Variants in PTK2B observed in about 807,000 individuals in gnomAD.
PTK2B encodes the protein protein tyrosine kinase 2 beta, also known as protein-tyrosine kinase 2-beta.
In PTK2B, 71 loss-of-function variants were observed where a neutral mutation model predicts 142.9. The observed-to-expected ratio is 0.50, with a 90% CI of 0.41 to 0.61. PTK2B has a LOEUF of 0.61. Among genes scored for constraint, PTK2B ranks in the 20% least tolerant of loss-of-function variants. PTK2B has a pLI of 0.00. For missense variants in PTK2B, 1,105 were observed against 1,320.4 expected (o/e 0.84, Z 2.53); for synonymous variants, 519 against 503.4 (o/e 1.03, Z -0.42).
intron 21 of PTK2B, among the ~76,000 whole-genome samples, chr8:27,442,027 AG>A (rs1441526194): frequency 1.3e-5 from 2 of 152,198 alleles, no homozygotes; most frequent in African/African-American, 4.8e-5. Flanking sequence ...TTGCTTCCTC[AG>A]ACCACCACCT....
At chr8:27,392,796 C>A (rs952959257) in intron 1 of PTK2B, among the ~76,000 whole-genome samples, 3 of 152,128 alleles carry the variant, frequency 2.0e-5, no homozygotes, top group African/African-American at 7.2e-5. Context: ...GTTTTGGGTG[C>A]ACTTGAGGAA....
chr8:27,406,949 TGGG>T (rs563600839), intron 2 of PTK2B, among the ~76,000 whole-genome samples: 1 of 152,094 alleles, frequency 6.6e-6, no homozygotes, highest in Non-Finnish European at 1.5e-5. Flanking sequence ...AGGGGGACTT[TGGG>T]GGGAAAAATC....
chr8:27,403,846 C>T (rs990943419), intron 2 of PTK2B, among the ~76,000 whole-genome samples: 3 of 151,762 alleles, frequency 2.0e-5, no homozygotes, highest in Admixed American at 2.0e-4. Context: ...TTTCTTCTCT[C>T]TTCTTTCTTT....
intron 29 of PTK2B, 57 bp from the exon 30 acceptor site, chr8:27,454,474 A>T: frequency 6.3e-7 from 1 of 1,586,290 alleles, no homozygotes; most frequent in Non-Finnish European, 8.7e-7. Context: ...CCCAGGGGAA[A>T]CCTGGCTCTC....
In PTK2B at chr8:27,450,740, T is replaced by C. The variant is rs753541965; in HGVS notation, c.2341-9T>C. ...TGCATCCTCTCCCTTCTCTCTGCCG[T>C]CCTCCCAGGAGGAGGACTTCATCCA... On this transcript the variant is annotated splice_polypyrimidine_tract_variant and intron_variant, in intron 24 of 30. Coordinates refer to ENST00000346049, the MANE Select transcript of PTK2B (RefSeq NM_173176.3). The C allele has an allele frequency of 6.2e-7, 1 of 1,614,010 alleles. No homozygotes were observed.
Position 27,433,417 on chromosome 8 carries a change from C to T in PTK2B, c.988-18C>T, listed in dbSNP as rs1810567139. 3.1e-6 allele frequency: 5 copies of T among 1,604,238 alleles called. No homozygotes were observed. Among genetic ancestry groups the T allele is most frequent in the Non-Finnish European group, 4.3e-6 (5 of 1,171,354 alleles). On this transcript the variant is annotated intron_variant, in intron 10 of 30. Coordinates refer to ENST00000346049, the MANE Select transcript of PTK2B (RefSeq NM_173176.3). ...CAAGGCTCTGGGGTCTCACCCTTGG[C>T]TGGTCTCTGCTCCGCAGGCCTTGTC... is the stretch of plus-strand genomic sequence containing the variant.
At chr8:27,433,087 A>G (rs963464425) in intron 10 of PTK2B, among the ~76,000 whole-genome samples, 2 of 152,104 alleles carry the variant, frequency 1.3e-5, no homozygotes, top group African/African-American at 4.8e-5. Flanking sequence ...TCGGCCTCCT[A>G]AAGTGCTGGG....
At chr8:27,446,987 A>G (rs542259192) in intron 24 of PTK2B, among the ~76,000 whole-genome samples, 9 of 152,342 alleles carry the variant, frequency 5.9e-5, no homozygotes, top group Admixed American at 1.3e-4. Context: ...ATTTTTAGGC[A>G]TGTGCTATAA....
At chr8:27,438,661 C>A (rs1810955649) in intron 18 of PTK2B, among the ~76,000 whole-genome samples, 1 of 152,200 alleles carries the variant, frequency 6.6e-6, no homozygotes, top group Non-Finnish European at 1.5e-5. Flanking sequence ...GCCTCCCTGG[C>A]ATGGGGGACA....
At chr8:27,393,870 C>T (rs1417500854) in intron 1 of PTK2B, among the ~76,000 whole-genome samples, 2 of 152,062 alleles carry the variant, frequency 1.3e-5, no homozygotes, top group Non-Finnish European at 2.9e-5. Context: ...CCAGGGGCCT[C>T]AGGGCCATAG....
chr8:27,327,776 C>T (rs901925707), intron 1 of PTK2B, among the ~76,000 whole-genome samples: 15 of 152,208 alleles, frequency 9.9e-5, no homozygotes, highest in Non-Finnish European at 1.6e-4. Context: ...CCATGTAGAC[C>T]GGTGAGCTTC....
chr8:27,451,169 C>A, intron 26 of PTK2B, 91 bp downstream of exon 26: 2 of 1,416,126 alleles, frequency 1.4e-6, no homozygotes, highest in East Asian at 2.3e-5. Context: ...GCTCCTACCC[C>A]CAGGCCTGCC....
chr8:27,422,103 G>A lies in PTK2B; in HGVS notation c.472-201G>A, dbSNP rs759735810. On this transcript the variant is annotated intron_variant, in intron 4 of 30. Coordinates refer to ENST00000346049, the MANE Select transcript of PTK2B (RefSeq NM_173176.3). ...GAGAGAATGCCTGTAAAAGCACCTC[G>A]AAAACCTCACAGGCTCGGCCTGTGG... is the stretch of plus-strand genomic sequence containing the variant. Among the ~76,000 whole-genome samples, 6 of 152,206 alleles carry A rather than the reference G, an allele frequency of 3.9e-5. No individual in the cohort carries two copies. The South Asian group carries it at 6.2e-4, about 16-fold the overall frequency.
upstream of PTK2B, chr8:27,310,906 G>A (rs1802926993): frequency 6.2e-7 from 1 of 1,612,804 alleles, no homozygotes; most frequent in African/African-American, 1.3e-5. Context: ...CGAGGCAGAA[G>A]AGGCTGAGCT....
chr8:27,427,357 C>T (rs994718323), intron 5 of PTK2B, among the ~76,000 whole-genome samples: 1 of 152,134 alleles, frequency 6.6e-6, no homozygotes, highest in African/African-American at 2.4e-5. Flanking sequence ...ACTGTACTTG[C>T]ACACAGCTCT....
Position 27,436,364 on chromosome 8 carries a change from T to G in PTK2B, c.1341+16T>G, listed in dbSNP as rs148505492. The G allele has an allele frequency of 5.2e-4, 820 of 1,591,184 alleles. 8 individuals are homozygous for G. In the African/African-American group the frequency reaches 9.5e-3, roughly 19 times the overall value. On this transcript the variant is annotated intron_variant, in intron 15 of 30. Transcript: ENST00000346049. ...CACAAATCACGTGAGTTCTAGGATC[T>G]TCCCTTACACTCCTCTTCCACATGT...
In PTK2B at chr8:27,440,235, A is replaced by T; in HGVS notation, c.1835-2A>T. 1 of 1,614,084 alleles carries T rather than the reference A, an allele frequency of 6.2e-7. No homozygotes were observed. The highest frequency in any genetic ancestry group is 8.5e-7 in the Non-Finnish European group (1 of 1,180,010). The stretch of plus-strand genomic sequence containing the variant: ...AGGGCCTGACGCTCCCTTACACCCC[A>T]GCCGTGTGCATGTGGGAGATCCTGA... On this transcript the variant is annotated splice_acceptor_variant, in intron 20 of 30. Coordinates refer to ENST00000346049, the MANE Select transcript of PTK2B (RefSeq NM_173176.3). LOFTEE classifies it high-confidence loss of function.
chr8:27,367,696 T>C (rs951563732), intron 1 of PTK2B, among the ~76,000 whole-genome samples: 2 of 152,190 alleles, frequency 1.3e-5, no homozygotes, highest in African/African-American at 4.8e-5. Flanking sequence ...CAGCTTGGCT[T>C]CTGGTGAGGC....
chr8:27,355,708 C>A (rs1318023294), intron 1 of PTK2B, among the ~76,000 whole-genome samples: 2 of 152,160 alleles, frequency 1.3e-5, no homozygotes, highest in African/African-American at 4.8e-5. Context: ...ATAATCAGAT[C>A]TGTAGAAATA....
Sources: allele counts gnomAD v4.1 joint callset (sites outside exome capture counted in the v4.1 genomes callset), GRCh38; gene constraint gnomAD v4.1.1; transcripts MANE v1.5; gene names NCBI Gene and HGNC (gene_info 2026-07-23, HGNC 2026-07-21).